IQSEC1: variants seen among roughly 807,000 people sequenced by gnomAD.
The protein encoded by IQSEC1 is IQ motif and Sec7 domain ArfGEF 1.
Under a neutral mutation model 91.0 loss-of-function variants are expected in IQSEC1, and 31 were observed. The observed-to-expected ratio is 0.34, with a 90% CI of 0.26 to 0.46. The LOEUF (loss-of-function observed/expected upper bound fraction) is 0.46. Among genes scored for constraint, IQSEC1 ranks in the 20% least tolerant of loss-of-function variants. The pLI, the probability that IQSEC1 is intolerant of heterozygous loss-of-function variation, is 1.00. For synonymous variants in IQSEC1, 699 were observed against 662.6 expected (o/e 1.05, Z -0.84); for missense variants, 1,388 against 1,575.6 (o/e 0.88, Z 2.02).
intron 1 of IQSEC1, among the ~76,000 whole-genome samples, chr3:12,985,124 G>T (rs908525181): frequency 6.6e-6 from 1 of 152,098 alleles, no homozygotes. Flanking sequence ...GCGCCCAGCC[G>T]CAATTACATT....
At chr3:12,981,030 AC>A (rs1701426485) in intron 1 of IQSEC1, among the ~76,000 whole-genome samples, 1 of 152,188 alleles carries the variant, frequency 6.6e-6, no homozygotes, top group South Asian at 2.1e-4. Flanking sequence ...GTCAACTGCA[AC>A]CCAAGTGTCC....
intron 1 of IQSEC1, among the ~76,000 whole-genome samples, chr3:13,202,308 A>T (rs550802050): frequency 2.6e-5 from 4 of 152,358 alleles, no homozygotes; most frequent in African/African-American, 7.2e-5. Context: ...CTGGGTATAT[A>T]TAGGAAAGAA....
intron 1 of IQSEC1, among the ~76,000 whole-genome samples, chr3:13,210,614 C>T (rs889155847): frequency 2.0e-5 from 3 of 152,186 alleles, no homozygotes; most frequent in Non-Finnish European, 4.4e-5. Context: ...TAAAGCCAGG[C>T]CCGTGGAAAC....
chr3:12,946,049 G>A (rs555951833), intron 1 of IQSEC1, among the ~76,000 whole-genome samples: 1 of 152,316 alleles, frequency 6.6e-6, no homozygotes, highest in South Asian at 2.1e-4. Context: ...ACTATCCTAT[G>A]TCAACCTTTC....
intron 2 of IQSEC1, among the ~76,000 whole-genome samples, chr3:13,107,399 A>G (rs1293889874): frequency 2.6e-5 from 4 of 152,374 alleles, no homozygotes; most frequent in South Asian, 2.1e-4. Context: ...AGTGCCTACT[A>G]TACAGCACGC....
At chr3:13,052,012 C>T (rs183776637) in intron 1 of IQSEC1, among the ~76,000 whole-genome samples, 1,772 of 152,296 alleles carry the variant, frequency 0.012, 128 homozygotes, top group Admixed American at 0.1. Context: ...GAGATAATAT[C>T]TTGCACACCT....
At position 13,008,558 on chromosome 3, in the gene IQSEC1, G is replaced by A. The variant is rs1004936943; in HGVS notation, c.23+64434C>T. 6.6e-6 allele frequency among the ~76,000 whole-genome samples: 1 copy of A among 152,040 alleles called. No homozygotes were observed. Among genetic ancestry groups the A allele is most frequent in the Non-Finnish European group, 1.5e-5 (1 of 68,008 alleles). ...GGCCCTCACTGACCACCGCCAAGTCGCTCCCCACTGCAGCCTCCTGCTTCA... is the reference window on the plus strand; with the variant it reads ...GGCCCTCACTGACCACCGCCAAGTCACTCCCCACTGCAGCCTCCTGCTTCA... On this transcript the variant is annotated intron_variant, in intron 1 of 13. Coordinates refer to ENST00000613206, the MANE Select transcript of IQSEC1 (RefSeq NM_001134382.3). This position sits in a 1 kb window ranked among gnomAD's most constrained non-coding sequence, Gnocchi z 4.1.
In IQSEC1 at chr3:13,035,919, T is replaced by C. The variant is rs544750197; in HGVS notation, c.23+37073A>G. ...ATGTTTTGAGGACGCCCAGGCCACATGGAGAGTCCCGTGCAGGTGTTTTGG... is the reference window on the plus strand; with the variant it reads ...ATGTTTTGAGGACGCCCAGGCCACACGGAGAGTCCCGTGCAGGTGTTTTGG... On this transcript the variant is annotated intron_variant, in intron 1 of 13. Transcript: ENST00000613206. Among the ~76,000 whole-genome samples, 71 of 152,310 alleles carry C rather than the reference T, an allele frequency of 4.7e-4. 3 individuals carry two copies. The South Asian group carries it at 0.015, about 31-fold the overall frequency.
At chr3:13,043,148 G>A (rs1027722313) in intron 1 of IQSEC1, among the ~76,000 whole-genome samples, 1 of 152,150 alleles carries the variant, frequency 6.6e-6, no homozygotes, top group South Asian at 2.1e-4. Flanking sequence ...GAATCCTGTC[G>A]CTAACCAGGG....
At chr3:12,999,218 T>C (rs762382018) in intron 1 of IQSEC1, among the ~76,000 whole-genome samples, 8 of 151,902 alleles carry the variant, frequency 5.3e-5, no homozygotes, top group Non-Finnish European at 7.4e-5. Flanking sequence ...ATAAGACGAG[T>C]ACTAAGACTC....
At chr3:13,061,092 C>T (rs906179567) in intron 1 of IQSEC1, among the ~76,000 whole-genome samples, 15 of 152,152 alleles carry the variant, frequency 9.9e-5, no homozygotes, top group Non-Finnish European at 1.3e-4. Context: ...CCAGGCCACG[C>T]GTGGCCTGGC....
intron 1 of IQSEC1, among the ~76,000 whole-genome samples, chr3:13,023,753 A>G (rs1703499328): frequency 1.3e-5 from 2 of 152,210 alleles, no homozygotes; most frequent in Admixed American, 1.3e-4. Flanking sequence ...ATCCAAAAAC[A>G]AGATAGGTTT....
intron 2 of IQSEC1, among the ~76,000 whole-genome samples, chr3:13,089,903 T>C (rs545943720): frequency 6.6e-6 from 1 of 152,312 alleles, no homozygotes; most frequent in South Asian, 2.1e-4. Context: ...AAGCATTGAA[T>C]TGTACACTTT....
rs1702717028 is a variant in IQSEC1 at position 13,008,158 on chromosome 3, C to T, written c.23+64834G>A. Among the ~76,000 whole-genome samples, 1 of 152,184 alleles carries T rather than the reference C, an allele frequency of 6.6e-6. No homozygotes were observed. Among genetic ancestry groups the T allele is most frequent in the Non-Finnish European group, 1.5e-5 (1 of 68,032 alleles). ...GGTACTTCTTGGCAGTTCTGAAGTT[C>T]AGGACTGAACCTAGCTGCCTCTCCT... On this transcript the variant is annotated intron_variant, in intron 1 of 13. Coordinates refer to ENST00000613206, the MANE Select transcript of IQSEC1 (RefSeq NM_001134382.3). The surrounding 1 kb of genome is among the most constrained non-coding windows in gnomAD (Gnocchi z 4.1).
At chr3:12,944,723 CAA>C (rs1699062895) in intron 1 of IQSEC1, among the ~76,000 whole-genome samples, 1 of 152,244 alleles carries the variant, frequency 6.6e-6, no homozygotes. Flanking sequence ...GGATTCAAAA[CAA>C]TCTCATCACC....
At chr3:12,903,257 C>T (rs543859672) in intron 12 of IQSEC1, among the ~76,000 whole-genome samples, 192 of 152,300 alleles carry the variant, frequency 1.3e-3, no homozygotes, top group Middle Eastern at 6.8e-3. Flanking sequence ...GCATGCCTAC[C>T]TTCAGTGATT....
chr3:13,123,474 T>C (rs892851142), intron 2 of IQSEC1, among the ~76,000 whole-genome samples: 3 of 152,228 alleles, frequency 2.0e-5, no homozygotes, highest in Admixed American at 6.5e-5. Flanking sequence ...TGGGAGGTCT[T>C]ACATGTGTAT....
chr3:13,100,382 C>T (rs1489750211), intron 2 of IQSEC1, among the ~76,000 whole-genome samples: 1 of 148,772 alleles, frequency 6.7e-6, no homozygotes, highest in East Asian at 1.9e-4. Context: ...GGTGAATGTT[C>T]ATCCTCAAGT....
At chr3:13,072,902 T>TC in intron 1 of IQSEC1, 90 bp downstream of exon 1, 1 of 1,174,524 alleles carries the variant, frequency 8.5e-7, no homozygotes, top group Non-Finnish European at 1.2e-6. Context: ...CACCTGCCCC[T>TC]CCCCCAACGA....
Sources: allele counts gnomAD v4.1 joint callset (sites outside exome capture counted in the v4.1 genomes callset), GRCh38; gene constraint gnomAD v4.1.1; non-coding constraint Gnocchi (gnomAD v3.1); transcripts MANE v1.5; gene names NCBI Gene and HGNC (gene_info 2026-07-23, HGNC 2026-07-21).